The following NRG3 variants were observed in gnomAD, a reference collection of about 807,000 sequenced individuals.
The protein encoded by NRG3 is pro-neuregulin-3, membrane-bound isoform.
A neutral mutation model predicts 66.9 loss-of-function variants in NRG3; 31 were observed. The observed-to-expected ratio is 0.46, with a 90% confidence interval of 0.35 to 0.63. The LOEUF (loss-of-function observed/expected upper bound fraction) is 0.63. Ranked by LOEUF, NRG3 falls within the 20% of genes least tolerant of loss-of-function variation. The pLI, the probability that NRG3 is intolerant of heterozygous loss-of-function variation, is 0.00. For synonymous variants in NRG3, 393 were observed against 359.4 expected (o/e 1.09, Z -1.06); for missense variants, 910 against 878.9 (o/e 1.04, Z -0.45).
intron 1 of NRG3, among the ~76,000 whole-genome samples, chr10:81,963,679 G>A (rs1386059528): frequency 6.6e-6 from 1 of 152,140 alleles, no homozygotes; most frequent in Non-Finnish European, 1.5e-5. Flanking sequence ...TGTTTTACAC[G>A]ACGGGACACA....
intron 3 of NRG3, among the ~76,000 whole-genome samples, chr10:82,759,227 A>G (rs1489493380): frequency 6.6e-6 from 1 of 152,036 alleles, no homozygotes. Flanking sequence ...ATCTGTTTGC[A>G]TATGCCTACT....
At chr10:82,560,289 A>G (rs2044950116) in intron 2 of NRG3, among the ~76,000 whole-genome samples, 1 of 151,584 alleles carries the variant, frequency 6.6e-6, no homozygotes, top group African/African-American at 2.4e-5. Context: ...GGTGACTGAC[A>G]TTTTTATTAT....
chr10:81,900,987 A>T (rs987055847), intron 1 of NRG3, among the ~76,000 whole-genome samples: 1 of 152,206 alleles, frequency 6.6e-6, no homozygotes, highest in African/African-American at 2.4e-5. Flanking sequence ...ATACGTTTTG[A>T]TGAAAAGTAA....
chr10:82,097,774 TG>T (rs1309193824), intron 1 of NRG3, among the ~76,000 whole-genome samples: 1 of 152,038 alleles, frequency 6.6e-6, no homozygotes, highest in Non-Finnish European at 1.5e-5. Context: ...CAGATGTTTT[TG>T]TTTGTTTTTT....
chr10:82,488,088 G>A (rs1185036586), intron 2 of NRG3, among the ~76,000 whole-genome samples: 1 of 152,112 alleles, frequency 6.6e-6, no homozygotes, highest in Admixed American at 6.5e-5. Flanking sequence ...GGAGAGAATG[G>A]GAGATATAAT....
rs1408778490 is a variant in NRG3 at position 82,607,862 on chromosome 10, G to A, written c.954-130715G>A. ...TTTGTATTGCAAGTACTTTATAACA[G>A]AGAAGTCCCAGTCCCTCCCTTCTAG... On this transcript the variant is annotated intron_variant, in intron 2 of 8. Coordinates refer to ENST00000372141, the MANE Select transcript of NRG3 (RefSeq NM_001010848.4). Among the ~76,000 whole-genome samples the A allele has an allele frequency of 7.9e-5, 12 of 152,134 alleles. No homozygotes were observed. In the South Asian group the frequency reaches 2.1e-3, roughly 26 times the overall value.
At position 82,431,645 on chromosome 10, in the gene NRG3, A is replaced by G. The variant is rs1336821610; in HGVS notation, c.953+72777A>G. On this transcript the variant is annotated intron_variant, in intron 2 of 8. Transcript: ENST00000372141. ...TACAACTGCCTTGATACCAGAAATC[A>G]AGTTAGATTTATAAAAGGGGTTAAT... Among the ~76,000 whole-genome samples the G allele has an allele frequency of 2.0e-5, 3 of 152,142 alleles. No individual in the cohort carries two copies. In the East Asian group the frequency reaches 5.8e-4, roughly 29 times the overall value.
intron 3 of NRG3, among the ~76,000 whole-genome samples, chr10:82,760,248 A>G (rs1039209130): frequency 7.9e-5 from 12 of 152,168 alleles, no homozygotes; most frequent in Non-Finnish European, 1.3e-4. Context: ...AACTTCCAAC[A>G]GAGATGCCCA....
intron 2 of NRG3, among the ~76,000 whole-genome samples, chr10:82,733,733 G>A (rs1000777423): frequency 6.6e-6 from 1 of 152,168 alleles, no homozygotes; most frequent in African/African-American, 2.4e-5. Flanking sequence ...GTCTTGTTTT[G>A]TTTTCCTAAC....
At chr10:82,582,914 A>T (rs773871670) in intron 2 of NRG3, among the ~76,000 whole-genome samples, 6 of 152,176 alleles carry the variant, frequency 3.9e-5, no homozygotes, top group Non-Finnish European at 5.9e-5. Context: ...CAAATATTTG[A>T]GCATACTTTT....
intron 7 of NRG3, among the ~76,000 whole-genome samples, chr10:82,977,598 CAAAAAAAAA>C (rs766341428): frequency 3.6e-5 from 2 of 55,454 alleles, no homozygotes; most frequent in Non-Finnish European, 7.4e-5. Flanking sequence ...GACTCTGTCT[CAAAAAAAAA>C]AAAAAAAAAA....
intron 3 of NRG3, among the ~76,000 whole-genome samples, chr10:82,856,756 C>CA (rs67224862): frequency 0.065 from 6,949 of 107,544 alleles, 162 homozygotes; most frequent in African/African-American, 0.07. Context: ...AAAAAAAAAA[C>CA]AAAAAAAAAA....
chr10:82,866,653 A>C (rs1455093953), intron 4 of NRG3, among the ~76,000 whole-genome samples: 2 of 152,166 alleles, frequency 1.3e-5, no homozygotes, highest in Non-Finnish European at 2.9e-5. Flanking sequence ...GCGCGATGGA[A>C]TGTGAGATAG....
chr10:82,023,409 G>C (rs1428666832), intron 1 of NRG3, among the ~76,000 whole-genome samples: 3 of 152,072 alleles, frequency 2.0e-5, no homozygotes, highest in African/African-American at 7.2e-5. Context: ...TAAAAGTGGT[G>C]ATGGCAGGTA....
chr10:82,492,557 C>G (rs531875662), intron 2 of NRG3, among the ~76,000 whole-genome samples: 1 of 152,044 alleles, frequency 6.6e-6, no homozygotes, highest in African/African-American at 2.4e-5. Context: ...GCATAGAAAC[C>G]TAACACAAAC....
intron 1 of NRG3, among the ~76,000 whole-genome samples, chr10:82,293,650 A>G (rs933308630): frequency 6.6e-6 from 1 of 152,196 alleles, no homozygotes; most frequent in East Asian, 1.9e-4. Flanking sequence ...TTGTTCAGGC[A>G]TGACCAACTA....
chr10:82,100,941 T>C (rs1476864038), intron 1 of NRG3, among the ~76,000 whole-genome samples: 1 of 152,022 alleles, frequency 6.6e-6, no homozygotes, highest in Non-Finnish European at 1.5e-5. Flanking sequence ...TTCTTTAAAT[T>C]GTTAGAATTC....
intron 1 of NRG3, among the ~76,000 whole-genome samples, chr10:82,271,378 C>T (rs1051076529): frequency 6.6e-6 from 1 of 151,984 alleles, no homozygotes; most frequent in African/African-American, 2.4e-5. Context: ...AATCATGATG[C>T]TACCTATCAG....
chr10:81,991,007 T>C (rs191096487), intron 1 of NRG3, among the ~76,000 whole-genome samples: 1 of 152,254 alleles, frequency 6.6e-6, no homozygotes, highest in East Asian at 1.9e-4. Flanking sequence ...AGTCAAAAAT[T>C]TGAGAAGCCT....
Sources: gnomAD v4.1 joint callset for allele counts (sites outside exome capture counted in the v4.1 genomes callset) on GRCh38, gnomAD v4.1.1 for gene constraint, MANE v1.5 for transcripts, NCBI Gene and HGNC (gene_info 2026-07-23, HGNC 2026-07-21) for gene names.